The following ASIC2 variants were observed in gnomAD, a reference collection of about 807,000 sequenced individuals.
ASIC2 encodes acid sensing ion channel subunit 2.
Under a neutral mutation model 57.3 loss-of-function variants are expected in ASIC2, and 25 were observed. The observed-to-expected ratio is 0.44, with a 90% CI of 0.32 to 0.61. ASIC2 has a LOEUF of 0.61. ASIC2 is among the 20% of genes least tolerant of loss of function. The pLI is 0.06. For missense variants in ASIC2, 641 were observed against 738.1 expected, an observed-to-expected ratio of 0.87 and a Z score of 1.52; for synonymous variants, 319 against 307.5, an observed-to-expected ratio of 1.04 and a Z score of -0.39.
chr17:33,031,866 C>T (rs1323894618), intron 3 of ASIC2, among the ~76,000 whole-genome samples: 1 of 152,128 alleles, frequency 6.6e-6, no homozygotes, highest in East Asian at 1.9e-4. Context: ...ATACAATGTC[C>T]TTGTTTTGAA....
chr17:33,459,076 G>GT (rs1434372592), intron 1 of ASIC2, among the ~76,000 whole-genome samples: 4 of 151,506 alleles, frequency 2.6e-5, no homozygotes, highest in Admixed American at 6.6e-5. Flanking sequence ...CATTACCTTC[G>GT]TTTTTTTGTT....
chr17:33,961,476 T>C (rs564695270), intron 1 of ASIC2, among the ~76,000 whole-genome samples: 6 of 152,228 alleles, frequency 3.9e-5, no homozygotes, highest in African/African-American at 1.4e-4. Context: ...TCATGGGAAA[T>C]TCTGCCCTCC....
At chr17:33,645,585 G>A (rs1041254808) in intron 1 of ASIC2, among the ~76,000 whole-genome samples, 2 of 152,122 alleles carry the variant, frequency 1.3e-5, no homozygotes, top group African/African-American at 4.8e-5. Flanking sequence ...CTTATGAATG[G>A]GGACACTGAG....
At chr17:33,043,669 G>GACA (rs2091938452) in intron 3 of ASIC2, among the ~76,000 whole-genome samples, 1 of 152,164 alleles carries the variant, frequency 6.6e-6, no homozygotes, top group Non-Finnish European at 1.5e-5. Context: ...ACAGAGAACA[G>GACA]ACAAAACTTA....
chr17:33,579,669 G>T (rs965412138), intron 1 of ASIC2, among the ~76,000 whole-genome samples: 1 of 152,016 alleles, frequency 6.6e-6, no homozygotes, highest in African/African-American at 2.4e-5. Flanking sequence ...TCCTGGTCTG[G>T]CAGACTTCTA....
At chr17:33,849,422 G>T (rs745326437) in intron 1 of ASIC2, among the ~76,000 whole-genome samples, 1 of 152,120 alleles carries the variant, frequency 6.6e-6, no homozygotes. Context: ...AGGAATGAGG[G>T]GTGCTGTGTA....
rs542579774 is a variant in ASIC2, at chr17:34,083,127, T to G, written c.555+72851A>C. Among the ~76,000 whole-genome samples the G allele has an allele frequency of 4.0e-5, 6 of 150,936 alleles. No homozygotes were observed. In the East Asian group the frequency reaches 1.2e-3, roughly 30 times the overall value. ...ATGCTGCTGCACTGCACCCACTAAC[T>G]CGTCATCTAGCATTAGGTATATCTC... On this transcript the variant is annotated intron_variant, in intron 1 of 9. Transcript: ENST00000359872.
chr17:33,485,759 G>A (rs1913556253), intron 1 of ASIC2, among the ~76,000 whole-genome samples: 1 of 152,256 alleles, frequency 6.6e-6, no homozygotes, highest in African/African-American at 2.4e-5. Context: ...CAGGAACTTG[G>A]GGGATATTTT....
intron 3 of ASIC2, among the ~76,000 whole-genome samples, chr17:33,045,630 G>T (rs1437344899): frequency 6.6e-6 from 1 of 152,068 alleles, no homozygotes; most frequent in Non-Finnish European, 1.5e-5. Context: ...TCTTTTCTGG[G>T]CCAGGGTCAT....
chr17:33,381,179 G>C (rs1909475668), intron 1 of ASIC2, among the ~76,000 whole-genome samples: 1 of 152,204 alleles, frequency 6.6e-6, no homozygotes, highest in African/African-American at 2.4e-5. Flanking sequence ...AGACATTAAT[G>C]TTGTTCAGAG....
chr17:33,027,183 T>G (rs1003020224), intron 4 of ASIC2, among the ~76,000 whole-genome samples: 6 of 152,170 alleles, frequency 3.9e-5, no homozygotes, highest in African/African-American at 1.2e-4. Context: ...TTCTTCCATC[T>G]TCAAAGTGAA....
chr17:33,031,951 T>C (rs2091885493), intron 3 of ASIC2, among the ~76,000 whole-genome samples: 1 of 152,226 alleles, frequency 6.6e-6, no homozygotes, highest in African/African-American at 2.4e-5. Context: ...CTATTTTGTT[T>C]TCATCCTTCT....
intron 3 of ASIC2, among the ~76,000 whole-genome samples, chr17:33,063,359 G>A (rs188004956): frequency 0.016 from 2,411 of 152,190 alleles, 52 homozygotes; most frequent in African/African-American, 0.053. Flanking sequence ...CAGGCCTGGC[G>A]GTGACAAAAT....
chr17:34,018,545 T>C (rs920548500), intron 1 of ASIC2, among the ~76,000 whole-genome samples: 1 of 152,226 alleles, frequency 6.6e-6, no homozygotes, highest in African/African-American at 2.4e-5. Context: ...ATTCCTCTCA[T>C]GAATTTGGGC....
Position 33,072,947 on chromosome 17 carries a change from C to G in ASIC2, c.987+15916G>C, listed in dbSNP as rs115337482. On this transcript the variant is annotated intron_variant, in intron 3 of 9. Transcript: ENST00000225823. ...AATCAACGCCATCCCAGGCGAGCCT[C>G]TGTGCTGCCTGGATTCACGGCACGC... Among the ~76,000 whole-genome samples, 1,501 of 152,348 alleles carry G rather than the reference C, an allele frequency of 9.9e-3. 26 individuals are homozygous for G. Among genetic ancestry groups the G allele is most frequent in the African/African-American group, 0.034 (1,407 of 41,562 alleles).
intron 1 of ASIC2, among the ~76,000 whole-genome samples, chr17:34,015,193 G>A (rs2142024506): frequency 6.6e-6 from 1 of 151,544 alleles, no homozygotes; most frequent in Admixed American, 6.6e-5. Context: ...ACAGGGACGA[G>A]CAACTATGCC....
At chr17:34,049,535 C>T (rs1464259598) in intron 1 of ASIC2, among the ~76,000 whole-genome samples, 1 of 152,124 alleles carries the variant, frequency 6.6e-6, no homozygotes, top group Non-Finnish European at 1.5e-5. Flanking sequence ...GCTCCAAACT[C>T]CTCCATGATC....
intron 1 of ASIC2, among the ~76,000 whole-genome samples, chr17:33,424,754 A>C (rs1911160951): frequency 6.6e-6 from 1 of 151,844 alleles, no homozygotes; most frequent in South Asian, 2.1e-4. Context: ...CCCTGCCCTT[A>C]CTAGCCCTTC....
intron 3 of ASIC2, among the ~76,000 whole-genome samples, chr17:33,035,001 A>G (rs1167718181): frequency 6.6e-6 from 1 of 152,068 alleles, no homozygotes; most frequent in Non-Finnish European, 1.5e-5. Flanking sequence ...TTGGCGTTCT[A>G]TTCCCTTCCA....
Sources: gnomAD v4.1 joint callset for allele counts (sites outside exome capture counted in the v4.1 genomes callset) on GRCh38, gnomAD v4.1.1 for gene constraint, MANE v1.5 for transcripts, NCBI Gene and HGNC (gene_info 2026-07-23, HGNC 2026-07-21) for gene names.